The following SIM1 variants were observed in gnomAD, a reference collection of about 807,000 sequenced individuals.
The protein encoded by SIM1 is SIM bHLH transcription factor 1.
SIM1 carries 18 observed loss-of-function variants against 78.2 expected under a neutral mutation model. That is an observed-to-expected ratio of 0.23 (90% CI 0.16 to 0.34). The LOEUF is 0.34. SIM1 is among the 10% of genes least tolerant of loss of function. SIM1 has a pLI of 1.00. For synonymous variants in SIM1, 417 were observed against 385.2 expected (o/e 1.08, Z -0.97); for missense variants, 939 against 975.1 (o/e 0.96, Z 0.49).
intron 3 of SIM1, among the ~76,000 whole-genome samples, chr6:100,451,715 CAG>C (rs1460338073): frequency 6.6e-6 from 1 of 152,068 alleles, no homozygotes; most frequent in Non-Finnish European, 1.5e-5. Context: ...TCACTGGTAG[CAG>C]AGAGAGGTTT....
intron 10 of SIM1, among the ~76,000 whole-genome samples, chr6:100,412,594 A>AG (rs1491504876): frequency 4.4e-5 from 5 of 114,572 alleles, no homozygotes; most frequent in African/African-American, 9.3e-5. Flanking sequence ...AAAGAAAGAA[A>AG]GAAAGAAAGA....
intron 10 of SIM1, among the ~76,000 whole-genome samples, chr6:100,405,553 T>C (rs922840370): frequency 6.6e-6 from 1 of 152,204 alleles, no homozygotes; most frequent in African/African-American, 2.4e-5. Context: ...TTATTTATCC[T>C]GATTTTTTTA....
At chr6:100,450,422 G>C in intron 3 of SIM1, 66 bp from the exon 4 acceptor site, 1 of 1,438,698 alleles carries the variant, frequency 7.0e-7, no homozygotes, top group Admixed American at 1.7e-5. Flanking sequence ...GGAGCAGGAG[G>C]ACAGAAGTTA....
chr6:100,412,204 C>T (rs1771207493), intron 10 of SIM1, among the ~76,000 whole-genome samples: 1 of 151,938 alleles, frequency 6.6e-6, no homozygotes, highest in Non-Finnish European at 1.5e-5. Flanking sequence ...AGGACACGGG[C>T]AATGGGGGAA....
chr6:100,402,024 T>C (rs1770927256), intron 10 of SIM1, among the ~76,000 whole-genome samples: 1 of 152,192 alleles, frequency 6.6e-6, no homozygotes, highest in Non-Finnish European at 1.5e-5. Flanking sequence ...TGGGCCTTGG[T>C]TTTCCCATTT....
At chr6:100,457,517 A>G (rs1772698205) in intron 2 of SIM1, among the ~76,000 whole-genome samples, 1 of 152,176 alleles carries the variant, frequency 6.6e-6, no homozygotes, top group Non-Finnish European at 1.5e-5. Context: ...AATCCCATGT[A>G]TCCTGCCGGG....
chr6:100,450,212 G>A, intron 4 of SIM1, 55 bp downstream of exon 4: 1 of 1,492,170 alleles, frequency 6.7e-7, no homozygotes, highest in Non-Finnish European at 9.3e-7. Flanking sequence ...CCCTACCCCT[G>A]CTTCCAGCTC....
At position 100,446,267 on chromosome 6, in the gene SIM1, G is replaced by A. The variant is rs558832170; in HGVS notation, c.998+1001C>T. Among the ~76,000 whole-genome samples, 6 of 152,282 alleles carry A rather than the reference G, an allele frequency of 3.9e-5. No individual in the cohort carries two copies. In the South Asian group the frequency reaches 1.2e-3, roughly 32 times the overall value. On this transcript the variant is annotated intron_variant, in intron 9 of 11. Transcript: ENST00000369208. ...TCTAGTCCTTATCACCTATAGTATA[G>A]TCTGATTCCAAATAGCACCCCTTCA...
intron 2 of SIM1, among the ~76,000 whole-genome samples, chr6:100,458,369 G>A (rs1772743432): frequency 6.6e-6 from 1 of 152,158 alleles, no homozygotes; most frequent in African/African-American, 2.4e-5. Flanking sequence ...GCCCGAACGC[G>A]CGGGCGAATC....
intron 10 of SIM1, among the ~76,000 whole-genome samples, chr6:100,413,202 G>A (rs930618276): frequency 1.7e-4 from 26 of 152,106 alleles, no homozygotes; most frequent in Admixed American, 3.9e-4. Context: ...CTGGGGTGAG[G>A]ACGGTATCCT....
At chr6:100,399,722 C>T (rs1019555132) in intron 10 of SIM1, among the ~76,000 whole-genome samples, 5 of 151,992 alleles carry the variant, frequency 3.3e-5, no homozygotes, top group African/African-American at 1.2e-4. Flanking sequence ...ATAATGCATT[C>T]AGTAAGTATT....
chr6:100,393,439 C>T, intron 11 of SIM1, 48 bp downstream of exon 11: 1 of 1,471,430 alleles, frequency 6.8e-7, no homozygotes, highest in Non-Finnish European at 9.0e-7. Flanking sequence ...GATGAACCTG[C>T]CCAGGGCCTA....
chr6:100,403,525 C>T (rs1252931103), intron 10 of SIM1, among the ~76,000 whole-genome samples: 1 of 152,228 alleles, frequency 6.6e-6, no homozygotes, highest in East Asian at 1.9e-4. Flanking sequence ...AATACAGCCC[C>T]ACCTTCAAGG....
In SIM1 at chr6:100,420,515, A is replaced by G. The variant is rs2114503788; in HGVS notation, c.1167+275T>C. Among the ~76,000 whole-genome samples, 5 of 152,242 alleles carry G rather than the reference A, an allele frequency of 3.3e-5. No homozygotes were observed. In the South Asian group the frequency reaches 1.0e-3, roughly 32 times the overall value. On this transcript the variant is annotated intron_variant, in intron 10 of 11. Coordinates refer to ENST00000369208, the MANE Select transcript of SIM1 (RefSeq NM_005068.3). ...TCACTGGGTGGGAGGGAAATTCAGG[A>G]TCAATCTCCTCAAAATCACAAAGAA... is the stretch of plus-strand genomic sequence containing the variant.
At chr6:100,448,407 C>A (rs973397881) in intron 7 of SIM1, 72 bp downstream of exon 7, 4 of 1,510,246 alleles carry the variant, frequency 2.6e-6, no homozygotes, top group Non-Finnish European at 2.7e-6. Context: ...ATAGGATAGA[C>A]GGAAATCTCT....
chr6:100,458,441 A>G (rs1772745044), intron 2 of SIM1, among the ~76,000 whole-genome samples: 1 of 152,098 alleles, frequency 6.6e-6, no homozygotes, highest in South Asian at 2.1e-4. Flanking sequence ...CTTCCCGGGA[A>G]CTGCCCAAAC....
At position 100,463,514 on chromosome 6, in the gene SIM1, TC is replaced by T; in HGVS notation, c.-47del. On this transcript the variant is annotated 5_prime_UTR_variant, in exon 2 of 12. The change abolishes an upstream ATG in the 5' untranslated region. Transcript: ENST00000369208. ...TTCTCACAACTTAAGCTCCGCAGAT[TC>T]ATCCAAAACCAAAAATAAACTTTCA... 6.5e-7 allele frequency: 1 copy of T among 1,537,276 alleles called. No homozygotes were observed. The highest frequency in any genetic ancestry group is 8.8e-7 in the Non-Finnish European group (1 of 1,131,458).
At position 100,453,807 on chromosome 6, in the gene SIM1, G is replaced by T; in HGVS notation, c.213C>A (p.Ser71Arg). 1.2e-6 allele frequency: 2 copies of T among 1,612,322 alleles called. No individual in the cohort carries two copies. Among genetic ancestry groups the T allele is most frequent in the Non-Finnish European group, 1.7e-6 (2 of 1,179,208 alleles). ...GTTCTCGGCCAACGTTGTCCAGGGG[G>T]CTGGTCCGACTTGAGTGGCCCCACG... The part of the protein sequence containing the change: ...GEAWGHSSRT[S>R]PLDNVGRELG... Residue 71 changes from serine to arginine, a missense_variant, in exon 3 of 12, where the codon AGC becomes AGA. By Grantham distance (110) the Ser-to-Arg change is moderately radical. This residue lies in a region of SIM1 where 121 missense variants were observed against 124.6 expected (regional missense o/e 0.97). Coordinates refer to ENST00000369208, the MANE Select transcript of SIM1 (RefSeq NM_005068.3).
intron 9 of SIM1, among the ~76,000 whole-genome samples, chr6:100,423,297 T>C (rs1292479365): frequency 6.6e-6 from 1 of 152,248 alleles, no homozygotes; most frequent in Non-Finnish European, 1.5e-5. Flanking sequence ...TGTAAAACTC[T>C]TCTTAACTCC....
Sources: gnomAD v4.1 joint callset for allele counts (sites outside exome capture counted in the v4.1 genomes callset) on GRCh38, gnomAD v4.1.1 for gene constraint, gnomAD v4.1.1 regional missense constraint, MANE v1.5 for transcripts, NCBI Gene and HGNC (gene_info 2026-07-23, HGNC 2026-07-21) for gene names.